Variants in SZRD1 observed in about 807,000 individuals in gnomAD.
The protein encoded by SZRD1 is SUZ RNA-binding domain-containing.
In SZRD1, 7 loss-of-function variants were observed where a neutral mutation model predicts 17.6. That is an observed-to-expected ratio of 0.40 (90% CI 0.23 to 0.75). SZRD1 has a LOEUF of 0.75. SZRD1 is among the 30% of genes least tolerant of loss of function. The pLI, the probability that SZRD1 is intolerant of heterozygous loss-of-function variation, is 0.38. For missense variants in SZRD1, 178 were observed against 201.8 expected, an observed-to-expected ratio of 0.88 and a Z score of 0.71; for synonymous variants, 77 against 77.9, an observed-to-expected ratio of 0.99 and a Z score of 0.06.
At chr1:16,392,477 C>A (rs780576765) in intron 2 of SZRD1, among the ~76,000 whole-genome samples, 2 of 152,188 alleles carry the variant, frequency 1.3e-5, no homozygotes, top group Non-Finnish European at 2.9e-5. Context: ...GACACATCGC[C>A]TTGATGTACG....
intron 1 of SZRD1, among the ~76,000 whole-genome samples, chr1:16,378,285 CTTT>C (rs36025947): frequency 3.1e-5 from 4 of 127,488 alleles, no homozygotes; most frequent in Admixed American, 8.4e-5. Context: ...TTGGCAACTT[CTTT>C]TTTTTTTTTT....
intron 1 of SZRD1, among the ~76,000 whole-genome samples, chr1:16,368,603 TAA>T (rs1192755055): frequency 1.3e-5 from 2 of 152,226 alleles, no homozygotes; most frequent in Non-Finnish European, 2.9e-5. Flanking sequence ...TTAAGAAAGT[TAA>T]AGATTTTATA....
At position 16,393,284 on chromosome 1, in the gene SZRD1, C is replaced by T. The variant is rs1485455640; in HGVS notation, c.158C>T (p.Pro53Leu). The stretch of plus-strand genomic sequence containing the variant: ...ATTGTGATTCAGGACGATAGCCTTC[C>T]CGCGGGGCCCCCTCCACAGATCCGC... ...VPIVIQDDSL[P>L]AGPPPQIRIL... Residue 53 changes from proline (P) to leucine (L), a missense_variant, in exon 3 of 4, where the codon CCC becomes CTC. By Grantham distance (98) the Pro-to-Leu change is moderately conservative (BLOSUM62 -3). Around this residue, in one of 3 missense-constraint regions of SZRD1, gnomAD observed 117 missense variants for 108.7 expected, o/e 1.08. Coordinates refer to ENST00000401088, the MANE Select transcript of SZRD1 (RefSeq NM_001114600.3). The surrounding 1 kb of genome is among the most constrained non-coding windows in gnomAD (Gnocchi z 5.6). The T allele has an allele frequency of 1.1e-5, 17 of 1,614,174 alleles. No homozygotes were observed. The highest frequency in any genetic ancestry group is 1.4e-5 in the Non-Finnish European group (17 of 1,180,024).
chr1:16,385,910 T>C (rs1355134810), intron 1 of SZRD1, among the ~76,000 whole-genome samples: 2 of 152,180 alleles, frequency 1.3e-5, no homozygotes, highest in Non-Finnish European at 2.9e-5. Flanking sequence ...GGACCAGCCC[T>C]GTCGAGAACC....
chr1:16,371,091 C>T (rs1247529648), intron 1 of SZRD1, among the ~76,000 whole-genome samples: 9 of 152,156 alleles, frequency 5.9e-5, no homozygotes, highest in East Asian at 1.9e-4. Flanking sequence ...AGACTAATAA[C>T]CTAAATGGGA....
At chr1:16,376,716 G>A (rs1236128085) in intron 1 of SZRD1, among the ~76,000 whole-genome samples, 2 of 147,394 alleles carry the variant, frequency 1.4e-5, no homozygotes, top group African/African-American at 5.0e-5. Context: ...TGAGGCAGGA[G>A]AATCGCTTGA....
At chr1:16,378,038 G>A (rs1049634056) in intron 1 of SZRD1, among the ~76,000 whole-genome samples, 1 of 152,094 alleles carries the variant, frequency 6.6e-6, no homozygotes, top group African/African-American at 2.4e-5. Flanking sequence ...GAAAGCAGGA[G>A]CCCCATTAGA....
intron 1 of SZRD1, among the ~76,000 whole-genome samples, chr1:16,371,123 C>G (rs2082906198): frequency 6.6e-6 from 1 of 152,180 alleles, no homozygotes; most frequent in African/African-American, 2.4e-5. Flanking sequence ...ACACAAAAAT[C>G]CAGCGGCAGT....
chr1:16,395,275 T>C lies in SZRD1; in HGVS notation c.*135T>C. 1 of 716,104 alleles carries C rather than the reference T, an allele frequency of 1.4e-6. No individual in the cohort carries two copies. The highest frequency in any genetic ancestry group is 2.6e-6 in the Non-Finnish European group (1 of 387,212). 44.4% of individuals were successfully genotyped at this position (716,104 alleles called of 1,614,324 possible). On this transcript the variant is annotated 3_prime_UTR_variant, in exon 4 of 4. Coordinates refer to ENST00000401088, the MANE Select transcript of SZRD1 (RefSeq NM_001114600.3). Reference sequence around the variant, plus strand: ...TGACTTACTTGCACTGTGATCCCCCTTGCTCCGCCCACTGTGACCTTGAAC... The same window carrying C: ...TGACTTACTTGCACTGTGATCCCCCCTGCTCCGCCCACTGTGACCTTGAAC...
chr1:16,376,586 A>G (rs1268236838), intron 1 of SZRD1, among the ~76,000 whole-genome samples: 2 of 152,092 alleles, frequency 1.3e-5, no homozygotes, highest in African/African-American at 2.4e-5. Flanking sequence ...CAGGCGGATC[A>G]CTTGAGGTCA....
chr1:16,393,245 C>T lies in SZRD1; in HGVS notation c.119C>T (p.Pro40Leu), dbSNP rs1001798874. 7.8e-5 allele frequency: 126 copies of T among 1,613,976 alleles called. No individual in the cohort carries two copies. The highest frequency in any genetic ancestry group is 1.0e-4 in the Non-Finnish European group (123 of 1,179,962). The change falls in exon 3 of 4, where the codon CCT becomes CTT. Residue 40 changes from proline to leucine, a missense_variant. By Grantham distance (98) the Pro-to-Leu change is moderately conservative. Around this residue, in one of 3 missense-constraint regions of SZRD1, gnomAD observed 117 missense variants for 108.7 expected, o/e 1.08. Coordinates refer to ENST00000401088, the MANE Select transcript of SZRD1 (RefSeq NM_001114600.3). This position sits in a 1 kb window ranked among gnomAD's most constrained non-coding sequence, Gnocchi z 5.6. ...TTTGTCAGCAGGAAATCCAAATCTC[C>T]TCCCAAAGTGCCCATTGTGATTCAG... ...TQKESRKSKS[P>L]PKVPIVIQDD...
chr1:16,386,764 C>G (rs2085130306), intron 1 of SZRD1, among the ~76,000 whole-genome samples: 1 of 152,146 alleles, frequency 6.6e-6, no homozygotes, highest in South Asian at 2.1e-4. Context: ...AAGAATCCCT[C>G]TCCAGCTCTG....
chr1:16,388,657 A>G (rs551351266), intron 1 of SZRD1, among the ~76,000 whole-genome samples: 23 of 151,422 alleles, frequency 1.5e-4, no homozygotes, highest in Middle Eastern at 3.4e-3. Context: ...TACACTGTTT[A>G]ACTTACTAGA....
intron 1 of SZRD1, among the ~76,000 whole-genome samples, chr1:16,377,721 T>C (rs1197876942): frequency 6.6e-6 from 1 of 152,176 alleles, no homozygotes; most frequent in Admixed American, 6.5e-5. Context: ...CATCAATCTC[T>C]TAATTTGTAA....
At chr1:16,376,580 C>T (rs1240469769) in intron 1 of SZRD1, among the ~76,000 whole-genome samples, 3 of 152,112 alleles carry the variant, frequency 2.0e-5, no homozygotes, top group African/African-American at 7.2e-5. Context: ...CCGAGGCAGG[C>T]GGATCACTTG....
At chr1:16,389,600 C>T (rs951679424) in intron 1 of SZRD1, among the ~76,000 whole-genome samples, 12 of 151,810 alleles carry the variant, frequency 7.9e-5, no homozygotes, top group Admixed American at 3.3e-4. Context: ...CGTGAGCCAC[C>T]GTGCCTGGCC....
At chr1:16,381,608 T>A (rs2083105324) in intron 1 of SZRD1, among the ~76,000 whole-genome samples, 1 of 149,338 alleles carries the variant, frequency 6.7e-6, no homozygotes, top group African/African-American at 2.5e-5. Flanking sequence ...GTAGAGAGAT[T>A]TAAAAGAAGT....
rs1265697879 is a variant in SZRD1 at position 16,395,269 on chromosome 1, TC to T, written c.*134del. 2.8e-6 allele frequency: 2 copies of T among 720,932 alleles called. No individual in the cohort carries two copies. Among genetic ancestry groups the T allele is most frequent in the South Asian group, 1.5e-5 (1 of 66,648 alleles). 44.7% of individuals were successfully genotyped at this position (720,932 alleles called of 1,614,324 possible). On this transcript the variant is annotated 3_prime_UTR_variant, in exon 4 of 4. Transcript: ENST00000401088. ...ACGACCTGACTTACTTGCACTGTGA[TC>T]CCCCTTGCTCCGCCCACTGTGACCT...
At chr1:16,370,656 A>T (rs2082899242) in intron 1 of SZRD1, among the ~76,000 whole-genome samples, 1 of 150,664 alleles carries the variant, frequency 6.6e-6, no homozygotes, top group Non-Finnish European at 1.5e-5. Context: ...TTTATTTTAG[A>T]TACAGGGTCT....
Sources: gnomAD v4.1 joint callset for allele counts (sites outside exome capture counted in the v4.1 genomes callset) on GRCh38, gnomAD v4.1.1 for gene constraint, gnomAD v4.1.1 regional missense constraint, Gnocchi (gnomAD v3.1) non-coding constraint, MANE v1.5 for transcripts, NCBI Gene and HGNC (gene_info 2026-07-23, HGNC 2026-07-21) for gene names.